Variants in FGA observed in about 807,000 individuals in gnomAD.
The protein encoded by FGA is fibrinogen alpha chain.
In FGA, 20 loss-of-function variants were observed where a neutral mutation model predicts 20.3. That is an observed-to-expected ratio of 0.99 (90% CI 0.69 to 1.43). The LOEUF (loss-of-function observed/expected upper bound fraction) is 1.43. FGA is among the 40% of genes most tolerant of loss of function. The pLI is 0.00. For missense variants in FGA, 777 were observed against 784.7 expected, an observed-to-expected ratio of 0.99 and a Z score of 0.12; for synonymous variants, 306 against 281.6, an observed-to-expected ratio of 1.09 and a Z score of -0.87.
rs4766 is a variant in FGA, at chr4:154,585,887, A to G, written c.1542T>C (p.Pro514=). The G allele has an allele frequency of 7.3e-4, 1,171 of 1,614,092 alleles. 9 individuals carry two copies. In the African/African-American group the frequency reaches 0.014, roughly 19 times the overall value. The part of the protein sequence containing the change: ...GTLDGFRHRH[P]DEAAFFDTAS... ...CAGTGTCGAAGAAGGCAGCTTCATC[A>G]GGGTGCCTATGGCGGAACCCATCCA... Residue 514 remains proline, a synonymous_variant, in exon 5 of 5, where the codon CCT becomes CCC. Coordinates refer to ENST00000403106, the MANE Select transcript of FGA (RefSeq NM_021871.4).
At position 154,588,932 on chromosome 4, in the gene FGA, A is replaced by C; in HGVS notation, c.225T>G (p.Asp75Glu). 1 of 1,613,030 alleles carries C rather than the reference A, an allele frequency of 6.2e-7. No individual in the cohort carries two copies. Among genetic ancestry groups the C allele is most frequent in the Non-Finnish European group, 8.5e-7 (1 of 1,179,114 alleles). ...PSGCRMKGLI[D>E]EVNQDFTNRI... ...TGTTTGTAAAATCTTGATTGACTTCATCAATCAACCCTTTCATCCTGCAGC... is the reference window on the plus strand; with the variant it reads ...TGTTTGTAAAATCTTGATTGACTTCCTCAATCAACCCTTTCATCCTGCAGC... Residue 75 changes from aspartate to glutamate, a missense_variant, in exon 3 of 5, where the codon GAT becomes GAG. Asp to Glu is a conservative substitution (Grantham distance 45, BLOSUM62 2). Coordinates refer to ENST00000403106, the MANE Select transcript of FGA (RefSeq NM_021871.4).
Position 154,586,112 on chromosome 4 carries a change from A to G in FGA, c.1317T>C (p.Asp439=), listed in dbSNP as rs753333518. Residue 439 remains aspartate, a synonymous_variant, in exon 5 of 5, where the codon GAT becomes GAC. Coordinates refer to ENST00000403106, the MANE Select transcript of FGA (RefSeq NM_021871.4). ...HTEKLVTSKG[D]KELRTGKEKV... ...TCTCTTTACCAGTCCTGAGCTCTTT[A>G]TCTCCTTTAGAAGTGACCAGTTTTT... is the stretch of plus-strand genomic sequence containing the variant. 1.6e-5 allele frequency: 26 copies of G among 1,613,924 alleles called. No individual in the cohort carries two copies. The highest frequency in any genetic ancestry group is 2.0e-5 in the Non-Finnish European group (24 of 1,180,000).
rs1467909084 is a variant in FGA at position 154,585,623 on chromosome 4, T to G, written c.1806A>C (p.Lys602Asn). ...GDSTFESKSY[K>N]MADEAGSEAD... ...CTTCACTTCCGGCCTCATCTGCCAT[T>G]TTATAGCTCTTGCTTTCAAATGTGG... Residue 602 changes from lysine (K) to asparagine (N), a missense_variant, in exon 5 of 5, where the codon AAA (lysine) becomes AAC (asparagine). Transcript: ENST00000403106. The G allele has an allele frequency of 5.6e-6, 9 of 1,614,180 alleles. No homozygotes were observed.
downstream of FGA, chr4:154,584,635 C>T: frequency 6.2e-7 from 1 of 1,614,134 alleles, no homozygotes; most frequent in South Asian, 1.1e-5. Context: ...ATTCAGGCTG[C>T]CGAAACCTCT....
chr4:154,585,728 T>C lies in FGA; in HGVS notation c.1701A>G (p.Ile567Met). The part of the protein sequence containing the change: ...TKESSSHHPG[I>M]AEFPSRGKSS... ...ATTTACCACGGGAAGGGAATTCAGC[T>C]ATCCCAGGGTGATGAGAACTGGATT... The change falls in exon 5 of 5, where the codon ATA becomes ATG. Residue 567 changes from isoleucine to methionine, a missense_variant. Physicochemically the swap from Ile to Met is conservative, Grantham distance 10. Transcript: ENST00000403106. 1.2e-6 allele frequency: 2 copies of C among 1,614,214 alleles called. No individual in the cohort carries two copies. The highest frequency in any genetic ancestry group is 8.5e-7 in the Non-Finnish European group (1 of 1,180,028).
At chr4:154,589,952 C>G (rs891178123) in intron 1 of FGA, among the ~76,000 whole-genome samples, 3 of 152,194 alleles carry the variant, frequency 2.0e-5, no homozygotes, top group African/African-American at 4.8e-5. Context: ...TACTGTAGAG[C>G]TCTTTCTCCT....
chr4:154,587,076 G>A (rs1730746640), intron 4 of FGA, among the ~76,000 whole-genome samples, 158 bp from the exon 5 acceptor site: 1 of 152,176 alleles, frequency 6.6e-6, no homozygotes. Flanking sequence ...TGCCTATCGA[G>A]CACCCTCAGT....
At chr4:154,588,644 T>C in intron 3 of FGA, 149 bp downstream of exon 3, 1 of 656,176 alleles carries the variant, frequency 1.5e-6, no homozygotes, top group Non-Finnish European at 2.7e-6. Context: ...AAGCTCCCTC[T>C]TAAAATTTTC....
chr4:154,585,901 G>A lies in FGA; in HGVS notation c.1528C>T (p.Arg510Cys). ...LSGIGTLDGFRHRHPDEAAFF... is the reference protein window; with the variant it reads ...LSGIGTLDGFCHRHPDEAAFF... ...GCAGCTTCATCAGGGTGCCTATGGC[G>A]GAACCCATCCAGAGTACCTATGCCA... Residue 510 changes from arginine (R) to cysteine (C), a missense_variant, in exon 5 of 5, where the codon CGC (arginine) becomes TGC (cysteine). Coordinates refer to ENST00000403106, the MANE Select transcript of FGA (RefSeq NM_021871.4). 1 of 1,613,968 alleles carries A rather than the reference G, an allele frequency of 6.2e-7. No homozygotes were observed. The highest frequency in any genetic ancestry group is 8.5e-7 in the Non-Finnish European group (1 of 1,179,908).
At chr4:154,587,840 C>T (rs549204248) in intron 3 of FGA, among the ~76,000 whole-genome samples, 183 bp from the exon 4 acceptor site, 17 of 151,500 alleles carry the variant, frequency 1.1e-4, no homozygotes, top group African/African-American at 4.1e-4. Context: ...TGTAAATATG[C>T]CTAATTTTAT....
At chr4:154,589,350 A>G in intron 2 of FGA, 87 bp downstream of exon 2, 1 of 1,530,126 alleles carries the variant, frequency 6.5e-7, no homozygotes, top group Admixed American at 1.7e-5. Flanking sequence ...TCTATTTAAA[A>G]AAGTTTCTGG....
chr4:154,590,486 C>A, intron 1 of FGA, 148 bp downstream of exon 1: 1 of 721,518 alleles, frequency 1.4e-6, no homozygotes, highest in Non-Finnish European at 2.5e-6. Flanking sequence ...CTTGAGGTGT[C>A]AAGCCCACCC....
chr4:154,590,064 A>C (rs1300140771), intron 1 of FGA, among the ~76,000 whole-genome samples: 2 of 152,222 alleles, frequency 1.3e-5, no homozygotes, highest in Non-Finnish European at 2.9e-5. Flanking sequence ...ATAATTTAAA[A>C]GAATACCATT....
chr4:154,587,043 AC>A, intron 4 of FGA, 125 bp from the exon 5 acceptor site: 1 of 893,856 alleles, frequency 1.1e-6, no homozygotes, highest in South Asian at 1.5e-5. Flanking sequence ...TCGGAGACCT[AC>A]CACTTAATAT....
At chr4:154,585,261 GA>G, downstream of FGA, 1 of 1,352,764 alleles carries the variant, frequency 7.4e-7, no homozygotes, top group Non-Finnish European at 9.5e-7. Flanking sequence ...AGCTCAAATA[GA>G]GTTTCAGAGG....
downstream of FGA, chr4:154,585,260 A>C: frequency 3.7e-6 from 5 of 1,352,930 alleles, no homozygotes; most frequent in South Asian, 8.2e-5. Flanking sequence ...AAGCTCAAAT[A>C]GAGTTTCAGA....
chr4:154,587,057 T>C, intron 4 of FGA, 139 bp from the exon 5 acceptor site: 1 of 833,824 alleles, frequency 1.2e-6, no homozygotes, highest in Non-Finnish European at 1.9e-6. Context: ...CTTAATATTC[T>C]CTGTTTTCTG....
downstream of FGA, chr4:154,584,098 A>AGTGCTCCCATTCCCACTTCGAAGACAGT: frequency 6.4e-7 from 1 of 1,552,676 alleles, no homozygotes; most frequent in Non-Finnish European, 8.9e-7. Flanking sequence ...AAGAAGACAG[A>AGTGCTCCCATTCCCACTTCGAAGACAGT]GTGCTCCCAT....
downstream of FGA, chr4:154,584,201 C>T (rs1446849941): frequency 6.2e-7 from 1 of 1,611,326 alleles, no homozygotes; most frequent in South Asian, 1.1e-5. Flanking sequence ...GAAACCCAGA[C>T]CACTCCATTC....
Sources: gnomAD v4.1 joint callset for allele counts (sites outside exome capture counted in the v4.1 genomes callset) on GRCh38, gnomAD v4.1.1 for gene constraint, MANE v1.5 for transcripts, NCBI Gene and HGNC (gene_info 2026-07-23, HGNC 2026-07-21) for gene names.